PPP4R3B: variants seen among roughly 807,000 people sequenced by gnomAD.
PPP4R3B encodes the protein serine/threonine-protein phosphatase 4 regulatory subunit 3B.
PPP4R3B carries 52 observed loss-of-function variants against 95.4 expected under a neutral mutation model. The observed-to-expected ratio is 0.54, with a 90% CI of 0.44 to 0.69. PPP4R3B has a LOEUF of 0.69. Among genes scored for constraint, PPP4R3B ranks in the 30% least tolerant of loss-of-function variants. The pLI is 0.00. For synonymous variants in PPP4R3B, 407 were observed against 343.9 expected (o/e 1.18, Z -2.03); for missense variants, 1,003 against 1,005.9 (o/e 1.00, Z 0.04).
At chr2:55,612,781 A>T (rs1339224686) in intron 2 of PPP4R3B, among the ~76,000 whole-genome samples, 2 of 151,766 alleles carry the variant, frequency 1.3e-5, no homozygotes, top group African/African-American at 2.4e-5. Flanking sequence ...CATCTCTACT[A>T]AAAAATACAA....
chr2:55,597,360 C>A (rs62165200), intron 4 of PPP4R3B, among the ~76,000 whole-genome samples: 1 of 151,566 alleles, frequency 6.6e-6, no homozygotes, highest in African/African-American at 2.4e-5. Context: ...GGGTGGCTCA[C>A]GCCTGTAATC....
Position 55,554,813 on chromosome 2 carries a change from T to G in PPP4R3B, c.2454+3962A>C, listed in dbSNP as rs1685635666. Among the ~76,000 whole-genome samples, 3 of 152,252 alleles carry G rather than the reference T, an allele frequency of 2.0e-5. No individual in the cohort carries two copies. The South Asian group carries it at 6.2e-4, about 31-fold the overall frequency. On this transcript the variant is annotated intron_variant, in intron 16 of 16. Coordinates refer to ENST00000616407, the MANE Select transcript of PPP4R3B (RefSeq NM_001122964.3). ...ATTTGTGTCATATCTAAGAAATCAC[T>G]GCCTAAATCCAAGGTCATAGATATT...
chr2:55,605,489 T>C (rs190135978), intron 2 of PPP4R3B, among the ~76,000 whole-genome samples: 1 of 152,342 alleles, frequency 6.6e-6, no homozygotes, highest in African/African-American at 2.4e-5. Flanking sequence ...ACTTCTTATT[T>C]TCTGTGTAAT....
chr2:55,589,592 C>T (rs1346785830), intron 4 of PPP4R3B, among the ~76,000 whole-genome samples: 2 of 152,136 alleles, frequency 1.3e-5, no homozygotes, highest in Non-Finnish European at 2.9e-5. Flanking sequence ...CTAATTTCTA[C>T]AGGCGTTGTC....
intron 4 of PPP4R3B, among the ~76,000 whole-genome samples, chr2:55,594,348 G>A (rs1405221350): frequency 5.4e-5 from 8 of 148,980 alleles, no homozygotes; most frequent in Non-Finnish European, 7.4e-5. Context: ...GCACATAAGA[G>A]ATAATTAAGT....
intron 11 of PPP4R3B, 107 bp from the exon 12 acceptor site, chr2:55,573,884 T>TC: frequency 4.8e-6 from 2 of 419,630 alleles, no homozygotes; most frequent in Non-Finnish European, 7.5e-6. Flanking sequence ...CTGTATTTCC[T>TC]CCTTTTTTTT....
At chr2:55,580,159 A>G (rs899244809) in intron 8 of PPP4R3B, among the ~76,000 whole-genome samples, 10 of 152,186 alleles carry the variant, frequency 6.6e-5, no homozygotes, top group Non-Finnish European at 1.0e-4. Flanking sequence ...AAACGCAGTG[A>G]AGAACCAATC....
At chr2:55,604,406 G>A (rs898893601) in intron 2 of PPP4R3B, among the ~76,000 whole-genome samples, 15 of 152,068 alleles carry the variant, frequency 9.9e-5, no homozygotes, top group African/African-American at 3.4e-4. Flanking sequence ...ACTTTCTGTT[G>A]CTTCCAGAAA....
At chr2:55,578,111 T>A (rs1259528304) in intron 10 of PPP4R3B, 136 bp downstream of exon 10, 39 of 902,458 alleles carry the variant, frequency 4.3e-5, no homozygotes, top group Non-Finnish European at 5.6e-5. Context: ...TAACACTGGA[T>A]AAAAAATATG....
At chr2:55,617,028 C>G (rs1006016437) in intron 1 of PPP4R3B, 116 bp downstream of exon 1, 152 of 1,271,808 alleles carry the variant, frequency 1.2e-4, no homozygotes, top group Non-Finnish European at 1.5e-4. Flanking sequence ...AGAGCCAGTT[C>G]AGAACCAACG....
At position 55,595,556 on chromosome 2, in the gene PPP4R3B, T is replaced by C. The variant is rs148573756; in HGVS notation, c.921+2860A>G. On this transcript the variant is annotated intron_variant, in intron 4 of 16. Coordinates refer to ENST00000616407, the MANE Select transcript of PPP4R3B (RefSeq NM_001122964.3). ...ATTTTAAAATAAGTCATTTTATGTT[T>C]ATGTAAATATTTTTTAAGAGAAACA... 1.4e-4 allele frequency among the ~76,000 whole-genome samples: 22 copies of C among 152,026 alleles called. No homozygotes were observed. In the East Asian group the frequency reaches 4.3e-3, roughly 29 times the overall value.
intron 2 of PPP4R3B, among the ~76,000 whole-genome samples, chr2:55,607,914 T>C (rs1462158769): frequency 6.6e-6 from 1 of 152,220 alleles, no homozygotes; most frequent in Admixed American, 6.5e-5. Flanking sequence ...CTACAATCAA[T>C]GTTTGGTCCA....
chr2:55,582,666 T>A (rs908472344), intron 7 of PPP4R3B, among the ~76,000 whole-genome samples: 1 of 152,186 alleles, frequency 6.6e-6, no homozygotes, highest in African/African-American at 2.4e-5. Context: ...TCTGGTAAGA[T>A]CAAGAAAACA....
At chr2:55,570,870 T>C (rs1687908734) in intron 12 of PPP4R3B, among the ~76,000 whole-genome samples, 1 of 152,218 alleles carries the variant, frequency 6.6e-6, no homozygotes. Flanking sequence ...TTACTTAAGA[T>C]GCAAAAGACT....
In PPP4R3B at chr2:55,610,020, C is replaced by T. The variant is rs114928812; in HGVS notation, c.198+5431G>A. On this transcript the variant is annotated intron_variant, in intron 2 of 16. Coordinates refer to ENST00000616407, the MANE Select transcript of PPP4R3B (RefSeq NM_001122964.3). ...AAATTTTTTTTAATAAGCCTCAAAC[C>T]AAAAGATTAATGTAAACCTGCTTAA... Among the ~76,000 whole-genome samples the T allele has an allele frequency of 3.5e-3, 528 of 152,216 alleles. 2 individuals carry two copies. Among genetic ancestry groups the T allele is most frequent in the South Asian group, 7.9e-3 (38 of 4,818 alleles).
At chr2:55,574,981 A>C (rs1196799430) in intron 11 of PPP4R3B, among the ~76,000 whole-genome samples, 2 of 134,614 alleles carry the variant, frequency 1.5e-5, no homozygotes, top group Admixed American at 8.3e-5. Context: ...TCTGTAGCCC[A>C]GACTGGAGTG....
intron 15 of PPP4R3B, 118 bp downstream of exon 15, chr2:55,564,195 G>C (rs1686988911): frequency 1.7e-5 from 12 of 711,694 alleles, no homozygotes; most frequent in Non-Finnish European, 2.4e-5. Flanking sequence ...AACACAGTTT[G>C]GTATAAAATT....
intron 15 of PPP4R3B, among the ~76,000 whole-genome samples, 159 bp downstream of exon 15, chr2:55,564,154 C>G (rs1686981963): frequency 6.6e-6 from 1 of 152,140 alleles, no homozygotes; most frequent in African/African-American, 2.4e-5. Context: ...AATTCCCAGA[C>G]AGATTTGGAA....
intron 1 of PPP4R3B, among the ~76,000 whole-genome samples, chr2:55,616,836 G>A (rs1045255171): frequency 2.6e-5 from 4 of 151,958 alleles, no homozygotes; most frequent in African/African-American, 9.7e-5. Flanking sequence ...CTCCTAGGGC[G>A]ACATCAGTAC....
Sources: gnomAD v4.1 joint callset for allele counts (sites outside exome capture counted in the v4.1 genomes callset) on GRCh38, gnomAD v4.1.1 for gene constraint, MANE v1.5 for transcripts, NCBI Gene and HGNC (gene_info 2026-07-23, HGNC 2026-07-21) for gene names.